Variants in GLG1 observed in about 807,000 individuals in gnomAD.
GLG1 encodes Golgi apparatus protein 1.
GLG1 carries 38 observed loss-of-function variants against 160.5 expected under a neutral mutation model. That is an observed-to-expected ratio of 0.24 (90% CI 0.18 to 0.31). The LOEUF (loss-of-function observed/expected upper bound fraction) is 0.31, where lower values mean the gene tolerates loss of function less well. GLG1 is among the 10% of genes least tolerant of loss of function. The probability of loss-of-function intolerance (pLI) is 1.00; values close to 1 mark genes in which losing one functional copy is unlikely to be tolerated. For missense variants in GLG1, 1,373 were observed against 1,505.2 expected (o/e 0.91, Z 1.45); for synonymous variants, 644 against 543.4 (o/e 1.19, Z -2.57).
rs548979008 is a variant in GLG1 at position 74,600,040 on chromosome 16, A to C, written c.438+6617T>G. Among the ~76,000 whole-genome samples, 32 of 152,146 alleles carry C rather than the reference A, an allele frequency of 2.1e-4. No homozygotes were observed. In the South Asian group the frequency reaches 6.4e-3, roughly 31 times the overall value. ...CAGTGCGAGACTCCGTCTTAACCAA[A>C]AGCAAAACAAAACAAAAAAACAACA... On this transcript the variant is annotated intron_variant, in intron 1 of 25. Coordinates refer to ENST00000422840, the MANE Select transcript of GLG1 (RefSeq NM_001145667.2).
chr16:74,595,397 C>T (rs1029781248), intron 1 of GLG1, among the ~76,000 whole-genome samples: 7 of 151,222 alleles, frequency 4.6e-5, no homozygotes, highest in Admixed American at 2.0e-4. Context: ...ATTAGCCGGT[C>T]GTGGTGGCGG....
chr16:74,569,785 C>T (rs906337141), intron 1 of GLG1, among the ~76,000 whole-genome samples: 5 of 151,310 alleles, frequency 3.3e-5, no homozygotes, highest in South Asian at 2.1e-4. Flanking sequence ...ATCACTTGAA[C>T]CTGGGGAACA....
rs11342633 is a variant in GLG1 at position 74,593,430 on chromosome 16, C to CT, written c.438+13226dup. On this transcript the variant is annotated intron_variant, in intron 1 of 25. Coordinates refer to ENST00000422840, the MANE Select transcript of GLG1 (RefSeq NM_001145667.2). ...CTAAATTACAAGTGAAGTACCAGAG[C>CT]TTTTTTTTTTTTTTTTTTTTGGAGA... 2.6e-3 allele frequency among the ~76,000 whole-genome samples: 247 copies of CT among 96,322 alleles called. 1 individual carries two copies. The highest frequency in any genetic ancestry group is 6.3e-3 in the Middle Eastern group (1 of 160). The allele number at this position is 96,322 out of a possible 152,430, so 63.2% of individuals were successfully genotyped here. A position where few individuals can be genotyped will look rare whatever the true frequency, so the allele number is the denominator to read the frequency against.
At chr16:74,457,555 T>C (rs1294300043) in intron 24 of GLG1, among the ~76,000 whole-genome samples, 3 of 152,192 alleles carry the variant, frequency 2.0e-5, no homozygotes, top group Non-Finnish European at 2.9e-5. Flanking sequence ...AGCTGGCTTC[T>C]AGTTTCGGCA....
intron 25 of GLG1, 103 bp from the exon 26 acceptor site, chr16:74,453,437 T>G: frequency 1.4e-6 from 1 of 709,430 alleles, no homozygotes; most frequent in Non-Finnish European, 2.4e-6. Context: ...TTTATGTCTT[T>G]TCTTTTGGAG....
At chr16:74,575,943 G>A (rs1053276427) in intron 1 of GLG1, among the ~76,000 whole-genome samples, 1 of 152,118 alleles carries the variant, frequency 6.6e-6, no homozygotes, top group South Asian at 2.1e-4. Context: ...GTTCACGCCA[G>A]TAATCCCAGC....
At chr16:74,464,967 T>C (rs2014945762) in intron 19 of GLG1, among the ~76,000 whole-genome samples, 1 of 152,190 alleles carries the variant, frequency 6.6e-6, no homozygotes, top group Non-Finnish European at 1.5e-5. Flanking sequence ...GCCTCCTGAA[T>C]AGCTGGGACT....
rs537876672 is a variant in GLG1 at position 74,545,958 on chromosome 16, T to C, written c.439-13805A>G. Among the ~76,000 whole-genome samples, 5 of 152,360 alleles carry C rather than the reference T, an allele frequency of 3.3e-5. No homozygotes were observed. The South Asian group carries it at 6.2e-4, about 19-fold the overall frequency. ...CTTCAATAACTCAGTTTAAATGTCA[T>C]GCATTTGTCTGAGTTTGTTACTGAA... On this transcript the variant is annotated intron_variant, in intron 1 of 25. Coordinates refer to ENST00000422840, the MANE Select transcript of GLG1 (RefSeq NM_001145667.2).
chr16:74,458,241 A>G (rs2014640676), intron 23 of GLG1: 1 of 390,850 alleles, frequency 2.6e-6, no homozygotes, highest in Non-Finnish European at 4.6e-6. Flanking sequence ...TGACTGTAAG[A>G]TCAGATTTGT....
At chr16:74,502,818 C>T (rs2016458237) in intron 4 of GLG1, among the ~76,000 whole-genome samples, 1 of 149,964 alleles carries the variant, frequency 6.7e-6, no homozygotes, top group Admixed American at 6.6e-5. Context: ...GATCTGCCCA[C>T]CTCAGCCTCC....
chr16:74,605,829 A>G (rs1233887424), intron 1 of GLG1, among the ~76,000 whole-genome samples: 2 of 152,176 alleles, frequency 1.3e-5, no homozygotes, highest in Non-Finnish European at 2.9e-5. Context: ...ACCTCTGGAA[A>G]AAGTTACTAC....
intron 9 of GLG1, among the ~76,000 whole-genome samples, chr16:74,483,663 C>CTT (rs898114669): frequency 2.8e-5 from 4 of 144,670 alleles, no homozygotes; most frequent in African/African-American, 5.0e-5. Context: ...CTTTTCTTTT[C>CTT]TTTTTTTTTT....
intron 1 of GLG1, among the ~76,000 whole-genome samples, chr16:74,550,632 G>C (rs1242074522): frequency 2.0e-5 from 3 of 151,988 alleles, no homozygotes; most frequent in Admixed American, 1.3e-4. Context: ...TTTTATACTG[G>C]ATTTTATAAT....
chr16:74,570,214 T>C (rs1482659646), intron 1 of GLG1, among the ~76,000 whole-genome samples: 3 of 152,276 alleles, frequency 2.0e-5, no homozygotes, highest in South Asian at 4.1e-4. Flanking sequence ...CTAGGTGCTT[T>C]TGTACACACA....
chr16:74,461,977 T>TGGCCTTCAATTCACCAG lies in GLG1; in HGVS notation c.3036+100_3036+116dup, dbSNP rs556187525. ...TGCAGACCATGGAGAGCCTAGAAGA[T>TGGCCTTCAATTCACCAG]GGCCTTCAATTCACCAGATCATTCA... On this transcript the variant is annotated intron_variant, in intron 22 of 25. Coordinates refer to ENST00000422840, the MANE Select transcript of GLG1 (RefSeq NM_001145667.2). 1.5e-4 allele frequency: 95 copies of TGGCCTTCAATTCACCAG among 625,870 alleles called. No individual in the cohort carries two copies. In the South Asian group the frequency reaches 1.7e-3, roughly 11 times the overall value. 38.8% of individuals were successfully genotyped at this position (625,870 alleles called of 1,614,324 possible). A position where few individuals can be genotyped will look rare whatever the true frequency, so the allele number is the denominator to read the frequency against.
At chr16:74,506,829 G>T (rs959686980) in intron 3 of GLG1, among the ~76,000 whole-genome samples, 1 of 151,980 alleles carries the variant, frequency 6.6e-6, no homozygotes, top group African/African-American at 2.4e-5. Flanking sequence ...AAACTTCTAA[G>T]ATGAACAGCA....
At chr16:74,516,294 C>T (rs1265119046) in intron 2 of GLG1, among the ~76,000 whole-genome samples, 1 of 151,732 alleles carries the variant, frequency 6.6e-6, no homozygotes, top group Admixed American at 6.5e-5. Flanking sequence ...AAACTGACCA[C>T]ATAGTTGGAA....
intron 10 of GLG1, 136 bp downstream of exon 10, chr16:74,482,887 G>T: frequency 1.5e-6 from 1 of 649,798 alleles, no homozygotes; most frequent in Non-Finnish European, 2.7e-6. Flanking sequence ...GTTTTTCAGG[G>T]GATTGGAGTG....
At chr16:74,584,160 T>C (rs1051554918) in intron 1 of GLG1, among the ~76,000 whole-genome samples, 7 of 152,194 alleles carry the variant, frequency 4.6e-5, no homozygotes, top group Non-Finnish European at 7.3e-5. Flanking sequence ...AGAATGTTTA[T>C]AGACCTCCTA....
Sources: gnomAD v4.1 joint callset for allele counts (sites outside exome capture counted in the v4.1 genomes callset) on GRCh38, gnomAD v4.1.1 for gene constraint, MANE v1.5 for transcripts, NCBI Gene and HGNC (gene_info 2026-07-23, HGNC 2026-07-21) for gene names.